The following CTNNA2 variants were observed in gnomAD, a reference collection of about 807,000 sequenced individuals.
The protein encoded by CTNNA2 is catenin alpha-2.
A neutral mutation model predicts 101.0 loss-of-function variants in CTNNA2; 42 were observed. That is an observed-to-expected ratio of 0.42 (90% CI 0.32 to 0.54). The LOEUF (loss-of-function observed/expected upper bound fraction) is 0.54, where lower values mean the gene tolerates loss of function less well. Among genes scored for constraint, CTNNA2 ranks in the 20% least tolerant of loss-of-function variants. The pLI is 0.14. For synonymous variants in CTNNA2, 450 were observed against 456.4 expected, an observed-to-expected ratio of 0.99 and a Z score of 0.18; for missense variants, 871 against 1,223.1, an observed-to-expected ratio of 0.71 and a Z score of 4.29.
chr2:79,974,811 T>A (rs1008852557), intron 7 of CTNNA2, among the ~76,000 whole-genome samples: 2 of 152,112 alleles, frequency 1.3e-5, no homozygotes, highest in Admixed American at 1.3e-4. Flanking sequence ...GCTAAGACAT[T>A]AATCAATGAG....
At chr2:80,169,301 T>G (rs985226406) in intron 7 of CTNNA2, among the ~76,000 whole-genome samples, 1 of 152,036 alleles carries the variant, frequency 6.6e-6, no homozygotes, top group Non-Finnish European at 1.5e-5. Flanking sequence ...ACCATGGAGC[T>G]GGGATCGGAG....
intron 7 of CTNNA2, among the ~76,000 whole-genome samples, chr2:79,976,167 A>G (rs1285789888): frequency 1.3e-5 from 2 of 152,192 alleles, no homozygotes; most frequent in Non-Finnish European, 2.9e-5. Context: ...ACATTCTCAC[A>G]AGAGGAAAAT....
intron 14 of CTNNA2, among the ~76,000 whole-genome samples, chr2:80,584,257 T>A (rs1695782572): frequency 6.6e-6 from 1 of 152,076 alleles, no homozygotes; most frequent in African/African-American, 2.4e-5. Context: ...TTAGAGAAAG[T>A]CTCCCTTTCT....
intron 2 of CTNNA2, among the ~76,000 whole-genome samples, chr2:79,301,810 C>T (rs537941011): frequency 6.6e-6 from 1 of 151,954 alleles, no homozygotes; most frequent in African/African-American, 2.4e-5. Context: ...ACCTCTGGGC[C>T]GGGCACAGTG....
chr2:80,145,156 C>T lies in CTNNA2; in HGVS notation c.1056+235359C>T, dbSNP rs370158390. 7.9e-5 allele frequency among the ~76,000 whole-genome samples: 12 copies of T among 152,258 alleles called. No homozygotes were observed. The East Asian group carries it at 1.2e-3, about 15-fold the overall frequency. On this transcript the variant is annotated intron_variant, in intron 7 of 18. Coordinates refer to ENST00000402739, the MANE Select transcript of CTNNA2 (RefSeq NM_001282597.3). ...TGACATAAGAAAATCTCCTTAGTTA[C>T]TAGCCTATGTGCCCTGTTTGAAATA...
intron 7 of CTNNA2, chr2:80,313,419 T>C (rs1677790715): frequency 1.4e-6 from 2 of 1,445,124 alleles, no homozygotes; most frequent in African/African-American, 2.9e-5. Flanking sequence ...ACCCTGTGTG[T>C]TCACAGTTCT....
intron 1 of CTNNA2, among the ~76,000 whole-genome samples, chr2:79,522,625 C>T (rs1262657580): frequency 1.3e-5 from 2 of 152,076 alleles, no homozygotes; most frequent in Non-Finnish European, 2.9e-5. Flanking sequence ...TCAGTCCTGT[C>T]TTGGTCTGGG....
intron 3 of CTNNA2, among the ~76,000 whole-genome samples, chr2:79,340,894 T>G (rs1677122133): frequency 2.0e-5 from 2 of 98,534 alleles, no homozygotes; most frequent in Non-Finnish European, 2.2e-5. Context: ...AATCTAGGGA[T>G]CTAGTAAAAA....
intron 3 of CTNNA2, among the ~76,000 whole-genome samples, chr2:79,818,167 C>T (rs1511195): frequency 0.1 from 15,315 of 152,080 alleles, 1,137 homozygotes; most frequent in East Asian, 0.36. Flanking sequence ...AAGAAGTTCA[C>T]TTTTTTTGGA....
chr2:79,286,111 A>T (rs1164697537), intron 2 of CTNNA2, among the ~76,000 whole-genome samples: 1 of 151,654 alleles, frequency 6.6e-6, no homozygotes, highest in Admixed American at 6.6e-5. Context: ...TGCTTGGTAG[A>T]TCTTCCTCCA....
intron 2 of CTNNA2, among the ~76,000 whole-genome samples, chr2:79,239,118 A>G (rs542108282): frequency 2.2e-4 from 34 of 151,998 alleles, no homozygotes; most frequent in African/African-American, 8.2e-4. Flanking sequence ...CCTTCCTCCA[A>G]CCTCATCCCC....
At chr2:80,038,636 A>G (rs560168111) in intron 7 of CTNNA2, among the ~76,000 whole-genome samples, 6 of 152,242 alleles carry the variant, frequency 3.9e-5, no homozygotes, top group Middle Eastern at 6.8e-3. Context: ...ACTTGAGGTC[A>G]GGAGTTCGAG....
chr2:79,916,095 A>G (rs1686183823), intron 7 of CTNNA2, among the ~76,000 whole-genome samples: 2 of 152,160 alleles, frequency 1.3e-5, no homozygotes, highest in African/African-American at 2.4e-5. Flanking sequence ...TCTCCTTCCT[A>G]TTATTATGTA....
intron 7 of CTNNA2, among the ~76,000 whole-genome samples, chr2:80,369,062 T>C (rs1675214303): frequency 6.6e-6 from 1 of 151,972 alleles, no homozygotes; most frequent in Non-Finnish European, 1.5e-5. Flanking sequence ...AAGAACAGGT[T>C]CATAAAGTTT....
chr2:79,974,890 T>G (rs1161802895), intron 7 of CTNNA2, among the ~76,000 whole-genome samples: 2 of 152,108 alleles, frequency 1.3e-5, no homozygotes, highest in African/African-American at 4.8e-5. Flanking sequence ...AGGTCTTAGA[T>G]TAGGTAGCTC....
rs1337091836 is a variant in CTNNA2 at position 80,412,165 on chromosome 2, G to C, written c.1138-7284G>C. On this transcript the variant is annotated intron_variant, in intron 8 of 18. Coordinates refer to ENST00000402739, the MANE Select transcript of CTNNA2 (RefSeq NM_001282597.3). ...TGGGACCCTGAGGCAGCTTGTCACTGTCTCTTCTCATAAAGGCAAGTGCTC... is the reference window on the plus strand; with the variant it reads ...TGGGACCCTGAGGCAGCTTGTCACTCTCTCTTCTCATAAAGGCAAGTGCTC... 1.3e-5 allele frequency among the ~76,000 whole-genome samples: 2 copies of C among 152,152 alleles called. 1 individual carries two copies. Among genetic ancestry groups the C allele is most frequent in the African/African-American group, 4.8e-5 (2 of 41,428 alleles).
chr2:80,090,357 G>A (rs1699722662), intron 7 of CTNNA2, among the ~76,000 whole-genome samples: 1 of 151,906 alleles, frequency 6.6e-6, no homozygotes, highest in African/African-American at 2.4e-5. Flanking sequence ...CTAAAGAATA[G>A]ACAGACAGTC....
intron 2 of CTNNA2, among the ~76,000 whole-genome samples, chr2:79,215,748 G>T (rs1187413014): frequency 6.6e-6 from 1 of 152,254 alleles, no homozygotes; most frequent in Non-Finnish European, 1.5e-5. Context: ...TTTTTAAGAG[G>T]AAATTGCTGG....
At chr2:80,621,374 T>A (rs1313429842) in intron 18 of CTNNA2, among the ~76,000 whole-genome samples, 1 of 152,026 alleles carries the variant, frequency 6.6e-6, no homozygotes, top group Non-Finnish European at 1.5e-5. Context: ...GGTTTTAAAA[T>A]GTGCTGCCTA....
Sources: allele counts gnomAD v4.1 joint callset (sites outside exome capture counted in the v4.1 genomes callset), GRCh38; gene constraint gnomAD v4.1.1; transcripts MANE v1.5; gene names NCBI Gene and HGNC (gene_info 2026-07-23, HGNC 2026-07-21).